Variants in HECW2 observed in about 807,000 individuals in gnomAD.
HECW2 encodes E3 ubiquitin-protein ligase HECW2.
A neutral mutation model predicts 175.2 loss-of-function variants in HECW2; 61 were observed. The observed-to-expected ratio is 0.35, with a 90% CI of 0.28 to 0.43. The LOEUF (loss-of-function observed/expected upper bound fraction) is 0.43, where lower values mean the gene tolerates loss of function less well. Ranked by LOEUF, HECW2 falls within the 20% of genes least tolerant of loss-of-function variation. HECW2 has a pLI of 1.00. For synonymous variants in HECW2, 671 were observed against 731.0 expected, an observed-to-expected ratio of 0.92 and a Z score of 1.32; for missense variants, 1,524 against 2,000.5, an observed-to-expected ratio of 0.76 and a Z score of 4.54.
intron 25 of HECW2, 57 bp from the exon 26 acceptor site, chr2:196,220,210 T>C: frequency 8.9e-7 from 1 of 1,126,190 alleles, no homozygotes; most frequent in Non-Finnish European, 1.3e-6. Context: ...ATATCAGCTA[T>C]AATTAAGCCT....
rs150582169 is a variant in HECW2 at position 196,377,626 on chromosome 2, T to C, written c.293-33862A>G. On this transcript the variant is annotated intron_variant, in intron 2 of 28. Coordinates refer to ENST00000644978, the MANE Select transcript of HECW2 (RefSeq NM_001348768.2). ...CCCACTGGGTTCCTCCCACAATACG[T>C]GGGAACTGTGGGAGCCACAGTTCAA... Among the ~76,000 whole-genome samples, 357 of 152,334 alleles carry C rather than the reference T, an allele frequency of 2.3e-3. 1 individual carries two copies. Among genetic ancestry groups the C allele is most frequent in the African/African-American group, 7.9e-3 (329 of 41,570 alleles).
chr2:196,418,073 C>A (rs1178242084), intron 2 of HECW2, among the ~76,000 whole-genome samples: 1 of 151,782 alleles, frequency 6.6e-6, no homozygotes, highest in East Asian at 1.9e-4. Context: ...TAGCTTAGTG[C>A]TATAAATATA....
intron 1 of HECW2, among the ~76,000 whole-genome samples, chr2:196,548,366 A>G (rs1015052067): frequency 2.6e-5 from 4 of 151,980 alleles, no homozygotes; most frequent in Non-Finnish European, 5.9e-5. Flanking sequence ...AAGAAAAAAG[A>G]AATCCACTGA....
At chr2:196,351,181 C>A (rs1693156363) in intron 2 of HECW2, among the ~76,000 whole-genome samples, 1 of 150,472 alleles carries the variant, frequency 6.6e-6, no homozygotes, top group Non-Finnish European at 1.5e-5. Context: ...AAAACTAATT[C>A]TTTTTTTTTA....
intron 10 of HECW2, chr2:196,316,219 A>G (rs1460331831): frequency 6.6e-6 from 1 of 152,248 alleles, no homozygotes; most frequent in Non-Finnish European, 1.5e-5. Flanking sequence ...ATAAACAAAC[A>G]AGGGAAAGAT....
intron 13 of HECW2, among the ~76,000 whole-genome samples, chr2:196,302,066 T>C (rs1398531424): frequency 2.0e-5 from 3 of 152,214 alleles, no homozygotes; most frequent in East Asian, 1.9e-4. Flanking sequence ...TTGTATATAA[T>C]GTAAGGAAAG....
rs1432761288 is a variant in HECW2 at position 196,278,666 on chromosome 2, G to A, written c.3001-4C>T. ...AGTTGTGGTCCACAAAGAATGCCTA[G>A]GATACAATACACTGAGTCAAATACA... On this transcript the variant is annotated splice_polypyrimidine_tract_variant and splice_region_variant and intron_variant, in intron 14 of 28. Coordinates refer to ENST00000644978, the MANE Select transcript of HECW2 (RefSeq NM_001348768.2). 1 of 1,613,770 alleles carries A rather than the reference G, an allele frequency of 6.2e-7. No homozygotes were observed. The highest frequency in any genetic ancestry group is 8.5e-7 in the Non-Finnish European group (1 of 1,179,886).
intron 15 of HECW2, among the ~76,000 whole-genome samples, chr2:196,276,249 C>G (rs899511707): frequency 1.3e-5 from 2 of 152,094 alleles, no homozygotes; most frequent in Non-Finnish European, 2.9e-5. Flanking sequence ...GACACTCCCC[C>G]GGAAGGTTTA....
chr2:196,566,699 A>ATT (rs58391487), intron 1 of HECW2, among the ~76,000 whole-genome samples: 44 of 94,202 alleles, frequency 4.7e-4, no homozygotes, highest in Middle Eastern at 7.5e-3. Context: ...CACCCAGCTA[A>ATT]TTTTTTTTTT....
At chr2:196,357,161 G>A (rs1693402322) in intron 2 of HECW2, among the ~76,000 whole-genome samples, 1 of 152,212 alleles carries the variant, frequency 6.6e-6, no homozygotes, top group Admixed American at 6.5e-5. Context: ...GATGCTTCAT[G>A]CCCAGGCCAA....
intron 14 of HECW2, among the ~76,000 whole-genome samples, chr2:196,283,750 G>A (rs1444022111): frequency 6.6e-6 from 1 of 152,072 alleles, no homozygotes. Flanking sequence ...AAATCCCACT[G>A]GAAACAGTGA....
intron 1 of HECW2, among the ~76,000 whole-genome samples, chr2:196,536,589 T>C (rs1689030823): frequency 6.6e-6 from 1 of 152,162 alleles, no homozygotes; most frequent in African/African-American, 2.4e-5. Context: ...CGATAACCAC[T>C]AGAGTCTGCC....
At chr2:196,346,835 C>A (rs1375315832) in intron 2 of HECW2, among the ~76,000 whole-genome samples, 1 of 151,466 alleles carries the variant, frequency 6.6e-6, no homozygotes, top group Non-Finnish European at 1.5e-5. Flanking sequence ...CCTGTGTCTA[C>A]TGAAAATACA....
chr2:196,364,723 T>C (rs893781051), intron 2 of HECW2, among the ~76,000 whole-genome samples: 3 of 152,254 alleles, frequency 2.0e-5, no homozygotes, highest in Non-Finnish European at 4.4e-5. Context: ...ACAGAGCTTA[T>C]ATTTTAAAGA....
intron 2 of HECW2, among the ~76,000 whole-genome samples, chr2:196,372,501 C>T (rs185977331): frequency 2.0e-5 from 3 of 152,250 alleles, no homozygotes; most frequent in Admixed American, 1.3e-4. Flanking sequence ...CCAAGTTAAA[C>T]ATGGTGTTTA....
intron 15 of HECW2, among the ~76,000 whole-genome samples, chr2:196,274,361 T>G (rs1232967010): frequency 6.6e-6 from 1 of 152,172 alleles, no homozygotes; most frequent in Non-Finnish European, 1.5e-5. Context: ...GGGCAGTGAC[T>G]CTTTACCAAG....
chr2:196,402,126 G>A (rs1463183860), intron 2 of HECW2, among the ~76,000 whole-genome samples: 42 of 150,622 alleles, frequency 2.8e-4, no homozygotes, highest in African/African-American at 9.8e-4. Flanking sequence ...GCATGAATCT[G>A]GGAGGCGGAG....
intron 25 of HECW2, 38 bp downstream of exon 25, chr2:196,220,757 T>A: frequency 6.2e-7 from 1 of 1,606,748 alleles, no homozygotes; most frequent in Non-Finnish European, 8.5e-7. Flanking sequence ...ATCATTGATA[T>A]CAGACTGCAA....
At position 196,257,841 on chromosome 2, in the gene HECW2, T is replaced by C. The variant is rs111318218; in HGVS notation, c.3401A>G (p.Asp1134Gly). ...TATGTACCTCAGCAACATAACAAGG[T>C]CTGCATCGCTTGAAAGGCGCACCAA... ...PGLVRLSSDA[D>G]LVMLLSLFEE... is the part of the protein sequence containing the mutation. Residue 1134 changes from aspartate to glycine, a missense_variant, in exon 18 of 29, where the codon GAC (aspartate) becomes GGC (glycine). This residue lies in a region of HECW2 where 291 missense variants were observed against 412.2 expected (regional missense o/e 0.71). Coordinates refer to ENST00000644978, the MANE Select transcript of HECW2 (RefSeq NM_001348768.2). 6 of 1,613,612 alleles carry C rather than the reference T, an allele frequency of 3.7e-6. 1 individual carries two copies. The African/African-American group carries it at 5.3e-5, about 14-fold the overall frequency.
Sources: allele counts gnomAD v4.1 joint callset (sites outside exome capture counted in the v4.1 genomes callset), GRCh38; gene constraint gnomAD v4.1.1; regional missense constraint gnomAD v4.1.1; transcripts MANE v1.5; gene names NCBI Gene and HGNC (gene_info 2026-07-23, HGNC 2026-07-21).